Variants in NOS1AP observed in about 807,000 individuals in gnomAD.
NOS1AP encodes the protein carboxyl-terminal PDZ ligand of neuronal nitric oxide synthase protein.
In NOS1AP, 21 loss-of-function variants were observed where a neutral mutation model predicts 56.2. The observed-to-expected ratio is 0.37, with a 90% CI of 0.26 to 0.54. NOS1AP has a LOEUF of 0.54. Ranked by LOEUF, NOS1AP falls within the 20% of genes least tolerant of loss-of-function variation. The probability of loss-of-function intolerance (pLI) is 0.84; values close to 1 mark genes in which losing one functional copy is unlikely to be tolerated. For synonymous variants in NOS1AP, 270 were observed against 274.6 expected, an observed-to-expected ratio of 0.98 and a Z score of 0.17; for missense variants, 522 against 657.8, an observed-to-expected ratio of 0.79 and a Z score of 2.26.
chr1:162,340,069 A>T (rs954325356), intron 5 of NOS1AP, among the ~76,000 whole-genome samples: 6 of 152,188 alleles, frequency 3.9e-5, no homozygotes, highest in Non-Finnish European at 7.3e-5. Flanking sequence ...CAATTCTTTT[A>T]TGTGTATGTA....
chr1:162,090,146 CCT>C (rs935347058), intron 1 of NOS1AP, among the ~76,000 whole-genome samples: 5 of 95,584 alleles, frequency 5.2e-5, no homozygotes, highest in African/African-American at 1.8e-4. Flanking sequence ...AACAATATTC[CCT>C]GATTTTTTTT....
At chr1:162,294,979 G>T (rs1239345123) in intron 3 of NOS1AP, among the ~76,000 whole-genome samples, 1 of 152,182 alleles carries the variant, frequency 6.6e-6, no homozygotes, top group Admixed American at 6.5e-5. Flanking sequence ...TGCTGCTGCT[G>T]CTGCTAGTGC....
chr1:162,253,048 T>C (rs945815911), intron 2 of NOS1AP, among the ~76,000 whole-genome samples: 8 of 152,196 alleles, frequency 5.3e-5, no homozygotes, highest in Non-Finnish European at 1.0e-4. Flanking sequence ...TTAAATTTAA[T>C]TGTCACTGTC....
chr1:162,116,344 C>T (rs1427653146), intron 1 of NOS1AP, among the ~76,000 whole-genome samples: 1 of 152,164 alleles, frequency 6.6e-6, no homozygotes, highest in Non-Finnish European at 1.5e-5. Context: ...AGTAAATTTG[C>T]GTGGACAGCT....
At chr1:162,352,868 G>A (rs1657565214) in intron 6 of NOS1AP, among the ~76,000 whole-genome samples, 1 of 152,106 alleles carries the variant, frequency 6.6e-6, no homozygotes, top group Non-Finnish European at 1.5e-5. Flanking sequence ...AGCCTAATAG[G>A]TATCCCTACT....
intron 1 of NOS1AP, among the ~76,000 whole-genome samples, chr1:162,092,062 G>A (rs1303787400): frequency 6.6e-6 from 1 of 152,188 alleles, no homozygotes; most frequent in Non-Finnish European, 1.5e-5. Flanking sequence ...AAAGTGACTA[G>A]TTCAAGGCTG....
chr1:162,192,476 G>A (rs1651676638), intron 2 of NOS1AP, among the ~76,000 whole-genome samples: 1 of 152,206 alleles, frequency 6.6e-6, no homozygotes, highest in Non-Finnish European at 1.5e-5. Flanking sequence ...GGGGACACTA[G>A]GTTCAGAACA....
At chr1:162,227,308 GA>G (rs759970433) in intron 2 of NOS1AP, among the ~76,000 whole-genome samples, 1 of 152,168 alleles carries the variant, frequency 6.6e-6, no homozygotes, top group Non-Finnish European at 1.5e-5. Context: ...GACTTGTTGT[GA>G]ATAAAGTACA....
At chr1:162,112,000 T>A (rs1041584187) in intron 1 of NOS1AP, among the ~76,000 whole-genome samples, 2 of 152,212 alleles carry the variant, frequency 1.3e-5, no homozygotes, top group African/African-American at 4.8e-5. Context: ...TCCTAACTGG[T>A]TTACCGCTCA....
chr1:162,163,210 G>T (rs1425834485), intron 2 of NOS1AP, among the ~76,000 whole-genome samples: 1 of 152,106 alleles, frequency 6.6e-6, no homozygotes, highest in African/African-American at 2.4e-5. Context: ...TAAACACGGG[G>T]TGTTTGCCAA....
intron 2 of NOS1AP, among the ~76,000 whole-genome samples, chr1:162,190,251 C>T (rs776308818): frequency 7.2e-4 from 110 of 152,320 alleles, no homozygotes; most frequent in Non-Finnish European, 1.3e-3. Flanking sequence ...TACTTGGCTC[C>T]GCCATCTCTC....
At chr1:162,166,855 C>G (rs1650520477) in intron 2 of NOS1AP, among the ~76,000 whole-genome samples, 1 of 152,104 alleles carries the variant, frequency 6.6e-6, no homozygotes, top group Non-Finnish European at 1.5e-5. Flanking sequence ...GTGACTGGGC[C>G]CAGAAGGCAG....
intron 1 of NOS1AP, among the ~76,000 whole-genome samples, chr1:162,128,780 C>T (rs1648610466): frequency 6.6e-6 from 1 of 152,096 alleles, no homozygotes; most frequent in African/African-American, 2.4e-5. Flanking sequence ...GTTTCACATC[C>T]CACCCCCTGC....
Position 162,070,031 on chromosome 1 carries a change from C to A in NOS1AP, c.-147C>A. 2.0e-6 allele frequency: 1 copy of A among 492,030 alleles called. No individual in the cohort carries two copies. Among genetic ancestry groups the A allele is most frequent in the Non-Finnish European group, 3.5e-6 (1 of 286,056 alleles). The allele number at this position is 492,030 out of a possible 1,614,324, so 30.5% of individuals were successfully genotyped here. A position where few individuals can be genotyped will look rare whatever the true frequency, so the allele number is the denominator to read the frequency against. ...CCCTCGGCACCGCTCCGGGTCCGGCCGCCGCGCGGCCAGGGCTCCCCCTGC... is the reference window on the plus strand; with the variant it reads ...CCCTCGGCACCGCTCCGGGTCCGGCAGCCGCGCGGCCAGGGCTCCCCCTGC... On this transcript the variant is annotated 5_prime_UTR_variant, in exon 1 of 10. Transcript: ENST00000361897.
At chr1:162,198,028 C>T (rs1038158251) in intron 2 of NOS1AP, among the ~76,000 whole-genome samples, 7 of 152,246 alleles carry the variant, frequency 4.6e-5, no homozygotes, top group Non-Finnish European at 1.0e-4. Flanking sequence ...GTCATGGAGG[C>T]GTCATGGGCC....
chr1:162,083,767 AG>A (rs1188083892), intron 1 of NOS1AP, among the ~76,000 whole-genome samples: 1 of 152,190 alleles, frequency 6.6e-6, no homozygotes, highest in Non-Finnish European at 1.5e-5. Context: ...CAGTCTTTGG[AG>A]TAATCAGAAT....
rs2097683944 is a variant in NOS1AP at position 162,261,288 on chromosome 1, AC to A, written c.178-26054del. ...TAACATTTAATTACAATATTTTATA[AC>A]CTTTCATGTCCCCTTGTTCTTAAAC... On this transcript the variant is annotated intron_variant, in intron 2 of 9. Transcript: ENST00000361897. Among the ~76,000 whole-genome samples the A allele has an allele frequency of 1.5e-5, 2 of 137,698 alleles. 1 individual carries two copies. The highest frequency in any genetic ancestry group is 1.6e-4 in the Admixed American group (2 of 12,780). 90.3% of individuals were successfully genotyped at this position (137,698 alleles called of 152,430 possible). A position where few individuals can be genotyped will look rare whatever the true frequency, so the allele number is the denominator to read the frequency against.
intron 4 of NOS1AP, among the ~76,000 whole-genome samples, chr1:162,325,553 A>C (rs2101786372): frequency 1.3e-5 from 2 of 152,218 alleles, no homozygotes; most frequent in South Asian, 4.2e-4. Context: ...CCCCAGAATC[A>C]CATGGGCTGG....
At chr1:162,158,809 G>T (rs991911621) in intron 2 of NOS1AP, among the ~76,000 whole-genome samples, 4 of 152,214 alleles carry the variant, frequency 2.6e-5, no homozygotes, top group African/African-American at 9.7e-5. Context: ...AGAACTACAG[G>T]ATGGTTGTCC....
Sources: allele counts gnomAD v4.1 joint callset (sites outside exome capture counted in the v4.1 genomes callset), GRCh38; gene constraint gnomAD v4.1.1; transcripts MANE v1.5; gene names NCBI Gene and HGNC (gene_info 2026-07-23, HGNC 2026-07-21).